The following EFNA5 variants were observed in gnomAD, a reference collection of about 807,000 sequenced individuals.
EFNA5 encodes ephrin-A5.
A neutral mutation model predicts 22.9 loss-of-function variants in EFNA5; 5 were observed. That is an observed-to-expected ratio of 0.22 (90% CI 0.11 to 0.46). EFNA5 has a LOEUF of 0.46. Ranked by LOEUF, EFNA5 falls within the 20% of genes least tolerant of loss-of-function variation. The probability of loss-of-function intolerance (pLI) is 0.99; values close to 1 mark genes in which losing one functional copy is unlikely to be tolerated. For synonymous variants in EFNA5, 113 were observed against 112.2 expected, an observed-to-expected ratio of 1.01 and a Z score of -0.04; for missense variants, 237 against 293.3, an observed-to-expected ratio of 0.81 and a Z score of 1.40.
intron 1 of EFNA5, among the ~76,000 whole-genome samples, chr5:107,466,261 T>C (rs1378614552): frequency 6.6e-6 from 1 of 152,170 alleles, no homozygotes; most frequent in Non-Finnish European, 1.5e-5. Flanking sequence ...TAAGTCGTGT[T>C]AAGCCATGAT....
chr5:107,420,522 T>TA (rs368304882), intron 2 of EFNA5, among the ~76,000 whole-genome samples: 50,607 of 107,192 alleles, frequency 0.47, 12,005 homozygotes, highest in Non-Finnish European at 0.54. Flanking sequence ...TCTGTGCTTT[T>TA]AAAAAAAAAA....
chr5:107,452,535 G>A (rs1027263599), intron 1 of EFNA5, among the ~76,000 whole-genome samples: 3 of 151,794 alleles, frequency 2.0e-5, no homozygotes, highest in Non-Finnish European at 4.4e-5. Context: ...ACCAACCTGA[G>A]CAATACAGTG....
intron 2 of EFNA5, among the ~76,000 whole-genome samples, chr5:107,408,188 C>CACACCCATCA (rs912613323): frequency 2.4e-4 from 36 of 152,048 alleles, no homozygotes; most frequent in African/African-American, 8.4e-4. Context: ...CACACACACA[C>CACACCCATCA]CCATCACCAT....
rs577675761 is a variant in EFNA5, at chr5:107,624,209, C to T, written c.125+46280G>A. Among the ~76,000 whole-genome samples the T allele has an allele frequency of 6.6e-5, 10 of 152,168 alleles. 1 individual carries two copies. The South Asian group carries it at 2.1e-3, about 32-fold the overall frequency. On this transcript the variant is annotated intron_variant, in intron 1 of 4. Coordinates refer to ENST00000333274, the MANE Select transcript of EFNA5 (RefSeq NM_001962.3). ...TATTAACTCAAAGGCAAAAGTGACCCACAGACTAAGTTATAATGACAAAAG... is the reference window on the plus strand; with the variant it reads ...TATTAACTCAAAGGCAAAAGTGACCTACAGACTAAGTTATAATGACAAAAG...
chr5:107,516,454 G>A (rs779725988), intron 1 of EFNA5, among the ~76,000 whole-genome samples: 1 of 152,102 alleles, frequency 6.6e-6, no homozygotes, highest in Non-Finnish European at 1.5e-5. Context: ...TCTATGTAGT[G>A]CCCAAAACAA....
chr5:107,482,779 CTCTT>C (rs774079933), intron 1 of EFNA5, among the ~76,000 whole-genome samples: 3 of 150,990 alleles, frequency 2.0e-5, no homozygotes, highest in Non-Finnish European at 4.4e-5. Flanking sequence ...CCTCTGTAAC[CTCTT>C]TCTTTTTGGC....
At chr5:107,576,957 A>G (rs1163216639) in intron 1 of EFNA5, among the ~76,000 whole-genome samples, 7 of 152,164 alleles carry the variant, frequency 4.6e-5, no homozygotes, top group Non-Finnish European at 8.8e-5. Context: ...TCCAGTCCCA[A>G]AACATGGAAA....
intron 1 of EFNA5, among the ~76,000 whole-genome samples, chr5:107,594,210 G>C (rs1257108050): frequency 1.3e-5 from 2 of 152,138 alleles, no homozygotes; most frequent in Non-Finnish European, 2.9e-5. Context: ...TTTTATCAAA[G>C]ACCAGTTAGG....
At chr5:107,448,631 C>T (rs1749460656) in intron 1 of EFNA5, among the ~76,000 whole-genome samples, 1 of 151,816 alleles carries the variant, frequency 6.6e-6, no homozygotes, top group African/African-American at 2.4e-5. Context: ...GAGTTCGAGA[C>T]CAGCCTGGCC....
In EFNA5 at chr5:107,532,664, C is replaced by T. The variant is rs573785203; in HGVS notation, c.126-105155G>A. Among the ~76,000 whole-genome samples, 37 of 152,230 alleles carry T rather than the reference C, an allele frequency of 2.4e-4. No homozygotes were observed. The South Asian group carries it at 4.4e-3, about 18-fold the overall frequency. On this transcript the variant is annotated intron_variant, in intron 1 of 4. Coordinates refer to ENST00000333274, the MANE Select transcript of EFNA5 (RefSeq NM_001962.3). ...CTCTACCACAATTGGACATGTGGAC[C>T]GAATCTGAGTGAGGAAGGCTGGGCA... is the stretch of plus-strand genomic sequence containing the variant.
At chr5:107,442,472 C>T (rs1264945827) in intron 1 of EFNA5, among the ~76,000 whole-genome samples, 6 of 152,072 alleles carry the variant, frequency 3.9e-5, no homozygotes, top group Non-Finnish European at 8.8e-5. Context: ...CAAAGCAATC[C>T]CCTCAACCCT....
intron 4 of EFNA5, among the ~76,000 whole-genome samples, chr5:107,385,422 A>T (rs1001777847): frequency 6.6e-6 from 1 of 152,226 alleles, no homozygotes; most frequent in Non-Finnish European, 1.5e-5. Flanking sequence ...ATATGCCTAC[A>T]TTCTGCACAA....
chr5:107,433,977 A>G (rs1216361841), intron 1 of EFNA5, among the ~76,000 whole-genome samples: 2 of 152,122 alleles, frequency 1.3e-5, no homozygotes, highest in Admixed American at 6.5e-5. Flanking sequence ...CTCAGAATTC[A>G]GATGAAATAA....
rs1044696604 is a variant in EFNA5, at chr5:107,380,411, A to C, written c.*844T>G. On this transcript the variant is annotated 3_prime_UTR_variant, in exon 5 of 5. Transcript: ENST00000333274. ...AAAAAAAAAAAAAAAAAAAAAAAAAAGTTGTAGCACCATGGTGATCTGTAT... is the reference window on the plus strand; with the variant it reads ...AAAAAAAAAAAAAAAAAAAAAAAAACGTTGTAGCACCATGGTGATCTGTAT... 1 of 135,258 alleles carries C rather than the reference A, an allele frequency of 7.4e-6. No homozygotes were observed. The highest frequency in any genetic ancestry group is 1.6e-5 in the Non-Finnish European group (1 of 64,486). 8.4% of individuals were successfully genotyped at this position (135,258 alleles called of 1,614,324 possible).
intron 1 of EFNA5, among the ~76,000 whole-genome samples, chr5:107,616,663 T>C (rs547356164): frequency 3.9e-5 from 6 of 152,180 alleles, no homozygotes; most frequent in Non-Finnish European, 8.8e-5. Context: ...AAGAGCCACA[T>C]TTCAGTTGCT....
intron 1 of EFNA5, among the ~76,000 whole-genome samples, chr5:107,616,448 A>T (rs1749915120): frequency 6.6e-6 from 1 of 152,202 alleles, no homozygotes; most frequent in Admixed American, 6.5e-5. Context: ...GACTTGAAAA[A>T]TTTCTGCAGA....
At chr5:107,523,913 T>A (rs1218413068) in intron 1 of EFNA5, among the ~76,000 whole-genome samples, 1 of 152,248 alleles carries the variant, frequency 6.6e-6, no homozygotes, top group Non-Finnish European at 1.5e-5. Flanking sequence ...TTCCAATTCA[T>A]TTCTCTATGC....
intron 1 of EFNA5, among the ~76,000 whole-genome samples, chr5:107,655,351 A>G (rs1193000701): frequency 6.6e-6 from 1 of 152,152 alleles, no homozygotes; most frequent in Non-Finnish European, 1.5e-5. Context: ...ACAAAATGAT[A>G]TAAGAGCAAC....
chr5:107,510,544 T>C (rs1747348460), intron 1 of EFNA5, among the ~76,000 whole-genome samples: 1 of 152,220 alleles, frequency 6.6e-6, no homozygotes, highest in African/African-American at 2.4e-5. Flanking sequence ...TCTTGGGGTC[T>C]GGATCTGGAC....
Sources: allele counts gnomAD v4.1 joint callset (sites outside exome capture counted in the v4.1 genomes callset), GRCh38; gene constraint gnomAD v4.1.1; transcripts MANE v1.5; gene names NCBI Gene and HGNC (gene_info 2026-07-23, HGNC 2026-07-21).